Variants in CD200 observed in about 807,000 individuals in gnomAD.
CD200 encodes the protein CD200 molecule, also known as OX-2 membrane glycoprotein.
In CD200, 15 loss-of-function variants were observed where a neutral mutation model predicts 30.9. That is an observed-to-expected ratio of 0.49 (90% confidence interval 0.32 to 0.75). The LOEUF is 0.75. Ranked by LOEUF, CD200 falls within the 30% of genes least tolerant of loss-of-function variation. CD200 has a pLI of 0.03. For missense variants in CD200, 262 were observed against 324.2 expected, an observed-to-expected ratio of 0.81 and a Z score of 1.47; for synonymous variants, 134 against 126.2, an observed-to-expected ratio of 1.06 and a Z score of -0.41.
At chr3:112,344,811 C>T in intron 2 of CD200, 151 bp from the exon 3 acceptor site, 2 of 623,158 alleles carry the variant, frequency 3.2e-6, no homozygotes, top group Non-Finnish European at 5.5e-6. Context: ...ATTTCTCTGG[C>T]ATCACGTAGG....
At chr3:112,358,966 C>A (rs1227499250) in intron 5 of CD200, among the ~76,000 whole-genome samples, 2 of 152,072 alleles carry the variant, frequency 1.3e-5, no homozygotes, top group Non-Finnish European at 2.9e-5. Context: ...AAAGTATATT[C>A]CTGAACCACA....
At chr3:112,345,363 C>T (rs2081360704) in intron 3 of CD200, 75 bp downstream of exon 3, 12 of 1,208,668 alleles carry the variant, frequency 9.9e-6, no homozygotes, top group Non-Finnish European at 1.4e-5. Flanking sequence ...AGCCGTAGTG[C>T]CCAGTTTTTC....
chr3:112,332,592 C>CAAG, upstream of CD200: 1 of 186,282 alleles, frequency 5.4e-6, no homozygotes, highest in Non-Finnish European at 1.1e-5. Flanking sequence ...GACTCCGTCT[C>CAAG]AAGAAGAAGA....
chr3:112,333,170 A>G lies in CD200; in HGVS notation c.-43A>G, dbSNP rs2081032978. On this transcript the variant is annotated 5_prime_UTR_variant, in exon 1 of 6. Coordinates refer to ENST00000315711, the MANE Select transcript of CD200 (RefSeq NM_005944.7). ...GCCTGCCTAGCAGAGCTCCAGGCGC[A>G]CATCCGCAGTCAGCCACCTCGCGCG... 1 of 1,548,586 alleles carries G rather than the reference A, an allele frequency of 6.5e-7. No individual in the cohort carries two copies. Among genetic ancestry groups the G allele is most frequent in the Non-Finnish European group, 8.7e-7 (1 of 1,146,602 alleles).
chr3:112,347,923 C>A, intron 4 of CD200, 93 bp downstream of exon 4: 3 of 1,121,594 alleles, frequency 2.7e-6, no homozygotes, highest in Non-Finnish European at 3.8e-6. Flanking sequence ...AGCCTCTTAG[C>A]ATAATCTATT....
chr3:112,344,550 T>C (rs1316474079), intron 2 of CD200, among the ~76,000 whole-genome samples: 1 of 152,210 alleles, frequency 6.6e-6, no homozygotes, highest in Non-Finnish European at 1.5e-5. Context: ...CTGCTCCATC[T>C]TCTTTACTTA....
Position 112,347,836 on chromosome 3 carries a change from A to G in CD200, c.694+6A>G. The G allele has an allele frequency of 6.2e-7, 1 of 1,611,444 alleles. No homozygotes were observed. Among genetic ancestry groups the G allele is most frequent in the Non-Finnish European group, 8.5e-7 (1 of 1,178,962 alleles). ...TAAGCAAACCGTCAACAAAGGTAAGAGAAAGTGAGCAAGGTGGCTGTGGTT... is the reference window on the plus strand; with the variant it reads ...TAAGCAAACCGTCAACAAAGGTAAGGGAAAGTGAGCAAGGTGGCTGTGGTT... On this transcript the variant is annotated splice_donor_region_variant and intron_variant, in intron 4 of 5. Coordinates refer to ENST00000315711, the MANE Select transcript of CD200 (RefSeq NM_005944.7).
At chr3:112,359,173 A>G (rs1465236032) in intron 5 of CD200, among the ~76,000 whole-genome samples, 3 of 152,250 alleles carry the variant, frequency 2.0e-5, no homozygotes, top group Non-Finnish European at 2.9e-5. Flanking sequence ...TAGAGAAAGG[A>G]AAAACTTCTT....
Position 112,353,757 on chromosome 3 carries a change from T to C in CD200, c.802+3938T>C, listed in dbSNP as rs1576621415. Among the ~76,000 whole-genome samples, 3 of 152,298 alleles carry C rather than the reference T, an allele frequency of 2.0e-5. No individual in the cohort carries two copies. In the South Asian group the frequency reaches 6.2e-4, roughly 32 times the overall value. ...ACTTTTGCTTCCCGTACAAAGGCTG[T>C]ATGAATGGGTAGCCCTCTGTCCGGG... On this transcript the variant is annotated intron_variant, in intron 5 of 5. Transcript: ENST00000315711.
At chr3:112,354,690 G>A (rs1240669693) in intron 5 of CD200, among the ~76,000 whole-genome samples, 2 of 152,202 alleles carry the variant, frequency 1.3e-5, no homozygotes, top group Non-Finnish European at 2.9e-5. Flanking sequence ...CACGCACTTA[G>A]CGGCTTAAAA....
intron 1 of CD200, among the ~76,000 whole-genome samples, chr3:112,334,854 C>T (rs2081077260): frequency 1.3e-5 from 2 of 152,158 alleles, no homozygotes; most frequent in Non-Finnish European, 2.9e-5. Flanking sequence ...ACATTGCTGG[C>T]TCCCAGTCCA....
chr3:112,345,117 G>T lies in CD200; in HGVS notation c.250G>T (p.Val84Leu). The change falls in exon 3 of 6, where the codon GTG becomes TTG. Residue 84 changes from valine (V) to leucine (L), a missense_variant. Val to Leu is a conservative substitution (Grantham distance 32). Transcript: ENST00000315711. ...GGTCACCTTCAGCGAGAACCATGGG[G>T]TGGTGATCCAGCCTGCCTATAAGGA... Reference protein sequence around the residue: ...NMVTFSENHGVVIQPAYKDKI... With the variant: ...NMVTFSENHGLVIQPAYKDKI... The T allele has an allele frequency of 6.2e-7, 1 of 1,614,068 alleles. No individual in the cohort carries two copies. The highest frequency in any genetic ancestry group is 8.5e-7 in the Non-Finnish European group (1 of 1,179,986).
chr3:112,333,142 C>A, upstream of CD200: 1 of 1,544,114 alleles, frequency 6.5e-7, no homozygotes, highest in Non-Finnish European at 8.7e-7. Context: ...TGACGCTCCT[C>A]CCGCCTGCCT....
intron 3 of CD200, among the ~76,000 whole-genome samples, chr3:112,345,633 C>T (rs2081369440): frequency 6.6e-6 from 1 of 152,222 alleles, no homozygotes; most frequent in Non-Finnish European, 1.5e-5. Context: ...TATCCACTCT[C>T]CACTGGAGTT....
In CD200 at chr3:112,340,157, T is replaced by G. The variant is rs75247575; in HGVS notation, c.13-745T>G. On this transcript the variant is annotated intron_variant, in intron 1 of 5. Transcript: ENST00000315711. ...ATATAGAAAAAATAAAGGAAAAAGT[T>G]ACATTTCTTTCCTTTGCCCCTTAGT... Among the ~76,000 whole-genome samples the G allele has an allele frequency of 1.6e-3, 237 of 152,324 alleles. 1 individual carries two copies. The highest frequency in any genetic ancestry group is 5.5e-3 in the African/African-American group (228 of 41,570).
At chr3:112,359,451 A>T (rs971675604) in intron 5 of CD200, among the ~76,000 whole-genome samples, 1 of 152,206 alleles carries the variant, frequency 6.6e-6, no homozygotes, top group African/African-American at 2.4e-5. Flanking sequence ...AGAAGATAAA[A>T]CTTTGTAAGT....
At chr3:112,334,668 C>T (rs1328517416) in intron 1 of CD200, among the ~76,000 whole-genome samples, 1 of 151,730 alleles carries the variant, frequency 6.6e-6, no homozygotes, top group East Asian at 1.9e-4. Context: ...TTGTTTTAGC[C>T]CCGGTCACCT....
chr3:112,359,240 CTT>C (rs534101463), intron 5 of CD200, among the ~76,000 whole-genome samples: 2 of 151,812 alleles, frequency 1.3e-5, no homozygotes, highest in Non-Finnish European at 1.5e-5. Flanking sequence ...AATTTAAGAG[CTT>C]TTTTTAAAAA....
At chr3:112,337,651 C>T (rs1182262707) in intron 1 of CD200, among the ~76,000 whole-genome samples, 1 of 152,172 alleles carries the variant, frequency 6.6e-6, no homozygotes, top group Non-Finnish European at 1.5e-5. Context: ...GTAAACTTAA[C>T]TAAGTTAGGG....
Sources: allele counts gnomAD v4.1 joint callset (sites outside exome capture counted in the v4.1 genomes callset), GRCh38; gene constraint gnomAD v4.1.1; transcripts MANE v1.5; gene names NCBI Gene and HGNC (gene_info 2026-07-23, HGNC 2026-07-21).